OR51E2: variants seen among roughly 807,000 people sequenced by gnomAD.
OR51E2 encodes olfactory receptor 51E2.
Under a neutral mutation model 13.7 loss-of-function variants are expected in OR51E2, and 14 were observed. The ratio of observed to expected loss-of-function variants is 1.02; its 90% CI spans 0.68 to 1.60. The LOEUF (loss-of-function observed/expected upper bound fraction) is 1.60, where lower values mean the gene tolerates loss of function less well. Ranked by LOEUF, OR51E2 falls within the 40% of genes most tolerant of loss-of-function variation. The pLI, the probability that OR51E2 is intolerant of heterozygous loss-of-function variation, is 0.00. For missense variants in OR51E2, 483 were observed against 413.8 expected (o/e 1.17, Z -1.45); for synonymous variants, 180 against 157.6 (o/e 1.14, Z -1.07).
At chr11:4,696,397 C>G (rs976167476) in intron 1 of OR51E2, among the ~76,000 whole-genome samples, 1 of 152,102 alleles carries the variant, frequency 6.6e-6, no homozygotes, top group South Asian at 2.1e-4. Context: ...TCCTCTTTCT[C>G]TCTCTCATCC....
At chr11:4,689,552 C>T (rs1166818964) in intron 1 of OR51E2, among the ~76,000 whole-genome samples, 2 of 152,074 alleles carry the variant, frequency 1.3e-5, no homozygotes, top group African/African-American at 2.4e-5. Context: ...AACTATACAG[C>T]CCATCTTAAA....
chr11:4,687,616 C>T (rs759027999), intron 1 of OR51E2, among the ~76,000 whole-genome samples: 17 of 152,104 alleles, frequency 1.1e-4, no homozygotes, highest in Non-Finnish European at 2.1e-4. Context: ...TTCATTAATT[C>T]AATGAAGAGT....
At chr11:4,684,414 T>C (rs1430821648) in intron 1 of OR51E2, among the ~76,000 whole-genome samples, 1 of 151,250 alleles carries the variant, frequency 6.6e-6, no homozygotes, top group Non-Finnish European at 1.5e-5. Flanking sequence ...TATAGAACTT[T>C]AAACAAATCA....
At chr11:4,689,848 G>A (rs1252582362) in intron 1 of OR51E2, among the ~76,000 whole-genome samples, 1 of 151,752 alleles carries the variant, frequency 6.6e-6, no homozygotes, top group East Asian at 1.9e-4. Flanking sequence ...TTTGATTTGG[G>A]CTTTTTCTCC....
chr11:4,696,999 C>T (rs1324602959), intron 1 of OR51E2, among the ~76,000 whole-genome samples: 2 of 152,172 alleles, frequency 1.3e-5, no homozygotes, highest in Non-Finnish European at 2.9e-5. Flanking sequence ...GACACGTGTT[C>T]TGTGAACATT....
At position 4,682,047 on chromosome 11, in the gene OR51E2, C is replaced by G. The variant is rs565364663; in HGVS notation, c.665G>C (p.Arg222Pro). ...FISLSYFLII[R>P]TVLQLPSKSE... ...CTTGGAAGGCAGTTGCAGAACCGTTCGTATTATCAGAAAATAGGACAAGGA... is the reference window on the plus strand; with the variant it reads ...CTTGGAAGGCAGTTGCAGAACCGTTGGTATTATCAGAAAATAGGACAAGGA... Residue 222 changes from arginine (R) to proline (P), a missense_variant, in exon 2 of 2, where the codon CGA (arginine) becomes CCA (proline). Physicochemically the swap from Arg to Pro is moderately radical, Grantham distance 103. Transcript: ENST00000396950. The G allele has an allele frequency of 1.3e-5, 21 of 1,614,056 alleles. No individual in the cohort carries two copies. Among genetic ancestry groups the G allele is most frequent in the Non-Finnish European group, 1.8e-5 (21 of 1,180,054 alleles).
chr11:4,691,876 C>T (rs556764543), intron 1 of OR51E2, among the ~76,000 whole-genome samples: 2 of 152,266 alleles, frequency 1.3e-5, no homozygotes, highest in South Asian at 4.1e-4. Context: ...ATTTCAACTG[C>T]TGTAGTGGGC....
At chr11:4,692,470 TATTTTGTTAAGAC>T (rs993927836) in intron 1 of OR51E2, among the ~76,000 whole-genome samples, 1 of 152,260 alleles carries the variant, frequency 6.6e-6, no homozygotes, top group African/African-American at 2.4e-5. Context: ...AGAATCTCTC[TATTTTGTTAAGAC>T]ATACTTCTTA....
rs574267152 is a variant in OR51E2, at chr11:4,693,678, C to T, written c.-51+3975G>A. Among the ~76,000 whole-genome samples the T allele has an allele frequency of 2.6e-5, 4 of 152,156 alleles. No homozygotes were observed. In the East Asian group the frequency reaches 7.7e-4, roughly 29 times the overall value. On this transcript the variant is annotated intron_variant, in intron 1 of 1. Coordinates refer to ENST00000396950, the MANE Select transcript of OR51E2 (RefSeq NM_030774.4). ...GGAGCTTCCAGGTGAACCGAGATGG[C>T]GCCATTGCACTCCAACCTGGGCGAC...
chr11:4,686,403 T>C (rs1392226176), intron 1 of OR51E2, among the ~76,000 whole-genome samples: 7 of 152,030 alleles, frequency 4.6e-5, no homozygotes, highest in African/African-American at 1.7e-4. Flanking sequence ...ACTGGAGAGG[T>C]CAATGGATGT....
rs551676894 is a variant in OR51E2, at chr11:4,696,421, A to T, written c.-51+1232T>A. 8.5e-5 allele frequency among the ~76,000 whole-genome samples: 13 copies of T among 152,254 alleles called. No homozygotes were observed. The South Asian group carries it at 2.5e-3, about 29-fold the overall frequency. On this transcript the variant is annotated intron_variant, in intron 1 of 1. Transcript: ENST00000396950. ...TCTCTCTCATCCCTTACATATAAAG[A>T]TTAGTTTTTAACTGATTCTACTCCT...
intron 1 of OR51E2, among the ~76,000 whole-genome samples, chr11:4,688,540 C>T (rs956142905): frequency 6.6e-6 from 1 of 152,134 alleles, no homozygotes; most frequent in Non-Finnish European, 1.5e-5. Flanking sequence ...TTTATAGTGA[C>T]TGTGAATTTT....
chr11:4,691,181 T>C (rs924504899), intron 1 of OR51E2: 5 of 456,684 alleles, frequency 1.1e-5, no homozygotes, highest in African/African-American at 8.0e-5. Flanking sequence ...GGTGGAGTAC[T>C]TGGCTGTGGC....
intron 1 of OR51E2, 32 bp from the exon 2 acceptor site, chr11:4,682,793 C>T: frequency 1.4e-6 from 2 of 1,477,448 alleles, no homozygotes; most frequent in Non-Finnish European, 1.8e-6. Context: ...TCAGAGAATG[C>T]CCTGGAAACT....
chr11:4,687,996 G>A (rs1847534844), intron 1 of OR51E2, among the ~76,000 whole-genome samples: 1 of 152,176 alleles, frequency 6.6e-6, no homozygotes, highest in East Asian at 1.9e-4. Flanking sequence ...GGGAAGCAAT[G>A]AAGCTTAAGA....
In OR51E2 at chr11:4,691,581, A is replaced by G. The variant is rs1017737180; in HGVS notation, c.-51+6072T>C. 1.1e-4 allele frequency: 51 copies of G among 456,730 alleles called. No individual in the cohort carries two copies. The Admixed American group carries it at 1.2e-3, about 11-fold the overall frequency. The allele number at this position is 456,730 out of a possible 1,614,324, so 28.3% of individuals were successfully genotyped here. ...GAAGAGGATCAGGCTGTTTCCCAAG[A>G]GAGCAGTTACAGAGAGGAAGCAGAA... On this transcript the variant is annotated intron_variant, in intron 1 of 1. Transcript: ENST00000396950.
At chr11:4,688,459 C>A (rs1222332146) in intron 1 of OR51E2, among the ~76,000 whole-genome samples, 3 of 152,112 alleles carry the variant, frequency 2.0e-5, no homozygotes, top group African/African-American at 7.2e-5. Flanking sequence ...TAGAGTGAAT[C>A]ACTGGCAGAG....
intron 1 of OR51E2, among the ~76,000 whole-genome samples, chr11:4,696,585 G>A: frequency 6.6e-6 from 1 of 152,076 alleles, no homozygotes; most frequent in Non-Finnish European, 1.5e-5. Flanking sequence ...AAGACAAGAG[G>A]GGGACTAATG....
rs1345897596 is a variant in OR51E2, at chr11:4,697,668, G to GT, written c.-67dup. ...TTTTACTTACAGAGCCCATACAGCA[G>GT]TTCGGCCTGTTCCTTTCAGGCTGAC... On this transcript the variant is annotated 5_prime_UTR_variant, in exon 1 of 2. Transcript: ENST00000396950. The GT allele has an allele frequency of 6.6e-6, 1 of 152,636 alleles. No individual in the cohort carries two copies. The highest frequency in any genetic ancestry group is 6.5e-5 in the Admixed American group (1 of 15,278). The allele number at this position is 152,636 out of a possible 1,614,324, so 9.5% of individuals were successfully genotyped here. A position where few individuals can be genotyped will look rare whatever the true frequency, so the allele number is the denominator to read the frequency against.
Sources: allele counts gnomAD v4.1 joint callset (sites outside exome capture counted in the v4.1 genomes callset), GRCh38; gene constraint gnomAD v4.1.1; transcripts MANE v1.5; gene names NCBI Gene and HGNC (gene_info 2026-07-23, HGNC 2026-07-21).